Variants in ALPK2 observed in about 807,000 individuals in gnomAD.
ALPK2 encodes the protein alpha-protein kinase 2.
ALPK2 carries 127 observed loss-of-function variants against 163.1 expected under a neutral mutation model. That is an observed-to-expected ratio of 0.78 (90% CI 0.67 to 0.90). The LOEUF (loss-of-function observed/expected upper bound fraction) is 0.90. Among genes scored for constraint, ALPK2 ranks in the 40% least tolerant of loss-of-function variants. ALPK2 has a pLI of 0.00. For missense variants in ALPK2, 2,360 were observed against 2,589.6 expected (o/e 0.91, Z 1.92); for synonymous variants, 953 against 959.1 (o/e 0.99, Z 0.12).
chr18:58,546,368 C>G (rs997031559), intron 4 of ALPK2, among the ~76,000 whole-genome samples: 4 of 152,132 alleles, frequency 2.6e-5, no homozygotes, highest in African/African-American at 9.7e-5. Context: ...GGTTCACACC[C>G]TTCCTAGGAG....
chr18:58,599,333 C>T (rs112975019), intron 3 of ALPK2, among the ~76,000 whole-genome samples: 2,787 of 152,284 alleles, frequency 0.018, 47 homozygotes, highest in South Asian at 0.035. Context: ...GGCCCTGATG[C>T]GTGCCTGCTG....
chr18:58,548,011 A>T (rs2051727748), intron 4 of ALPK2, among the ~76,000 whole-genome samples: 1 of 152,238 alleles, frequency 6.6e-6, no homozygotes, highest in Admixed American at 6.5e-5. Flanking sequence ...CAATTACCAC[A>T]CTGCAATGAC....
Position 58,523,832 on chromosome 18 carries a change from T to A in ALPK2, c.5639A>T (p.Gln1880Leu). ...EFNLTAEVLK[Q>L]LSSRQDTKGC... ...TTTAGTATCCTGGCGACTTGACAGCTGTTTGAGAACTAGAAGAAGACAAAG... is the reference window on the plus strand; with the variant it reads ...TTTAGTATCCTGGCGACTTGACAGCAGTTTGAGAACTAGAAGAAGACAAAG... The change falls in exon 8 of 13, where the codon CAG (glutamine) becomes CTG (leucine). Residue 1880 changes from glutamine (Q) to leucine (L), a missense_variant. By Grantham distance (113) the Gln-to-Leu change is moderately radical. Transcript: ENST00000361673. 1 of 1,614,226 alleles carries A rather than the reference T, an allele frequency of 6.2e-7. No individual in the cohort carries two copies. Among genetic ancestry groups the A allele is most frequent in the South Asian group, 1.1e-5 (1 of 91,084 alleles).
intron 5 of ALPK2, among the ~76,000 whole-genome samples, chr18:58,533,545 G>A (rs1011733824): frequency 2.0e-5 from 3 of 151,014 alleles, no homozygotes; most frequent in South Asian, 2.1e-4. Flanking sequence ...CTGTAGCCTC[G>A]ACTTTCTGGG....
chr18:58,499,399 A>G (rs1264336975), intron 11 of ALPK2, among the ~76,000 whole-genome samples: 1 of 152,150 alleles, frequency 6.6e-6, no homozygotes, highest in African/African-American at 2.4e-5. Context: ...TGTAGTGGAA[A>G]GAGCCACCCT....
intron 12 of ALPK2, among the ~76,000 whole-genome samples, chr18:58,487,590 TAACTC>T (rs2051346164): frequency 6.6e-6 from 1 of 152,252 alleles, no homozygotes; most frequent in Non-Finnish European, 1.5e-5. Context: ...TTAAAAATCT[TAACTC>T]TATAGAATTT....
chr18:58,593,198 G>A (rs1313570896), intron 3 of ALPK2, among the ~76,000 whole-genome samples: 2 of 152,172 alleles, frequency 1.3e-5, no homozygotes, highest in African/African-American at 4.8e-5. Flanking sequence ...CAGAGGGTAT[G>A]TGGGAACTAT....
At chr18:58,611,839 G>T (rs750896116) in intron 1 of ALPK2, 22 bp from the exon 2 acceptor site, 3 of 1,303,172 alleles carry the variant, frequency 2.3e-6, no homozygotes, top group South Asian at 1.3e-5. Context: ...AAAAATCCCC[G>T]ACATCACCAT....
At chr18:58,604,039 A>G (rs988701571) in intron 3 of ALPK2, among the ~76,000 whole-genome samples, 4 of 152,218 alleles carry the variant, frequency 2.6e-5, no homozygotes, top group Non-Finnish European at 5.9e-5. Flanking sequence ...AGGAGAATGC[A>G]GGATGCAGGG....
intron 4 of ALPK2, among the ~76,000 whole-genome samples, chr18:58,553,838 G>GT (rs146212342): frequency 0.24 from 28,630 of 118,046 alleles, 3,787 homozygotes; most frequent in East Asian, 0.29. Flanking sequence ...AGCAGTTGGG[G>GT]TTTTTTTTTT....
At chr18:58,552,897 T>A (rs957240333) in intron 4 of ALPK2, among the ~76,000 whole-genome samples, 1 of 152,224 alleles carries the variant, frequency 6.6e-6, no homozygotes, top group Admixed American at 6.5e-5. Flanking sequence ...AATGTGACTT[T>A]ACTTGGGAGT....
At chr18:58,566,930 TCTAA>T (rs2051856911) in intron 4 of ALPK2, among the ~76,000 whole-genome samples, 3 of 152,184 alleles carry the variant, frequency 2.0e-5, no homozygotes, top group East Asian at 1.9e-4. Context: ...TCTAGATCCA[TCTAA>T]CTGAGCCCAT....
At chr18:58,517,692 T>C (rs937042021) in intron 8 of ALPK2, among the ~76,000 whole-genome samples, 7 of 152,088 alleles carry the variant, frequency 4.6e-5, no homozygotes, top group African/African-American at 1.7e-4. Flanking sequence ...ACCATATGTA[T>C]ATTTGTTCTT....
chr18:58,617,655 T>C (rs973352264), intron 1 of ALPK2, among the ~76,000 whole-genome samples: 2 of 152,236 alleles, frequency 1.3e-5, no homozygotes, highest in African/African-American at 4.8e-5. Flanking sequence ...GGCATTTTTT[T>C]CTATTCATTA....
chr18:58,487,313 G>A (rs1159360203), intron 12 of ALPK2, among the ~76,000 whole-genome samples: 5 of 152,160 alleles, frequency 3.3e-5, no homozygotes, highest in African/African-American at 7.2e-5. Context: ...AAAGAGATGC[G>A]TCTATCAGTC....
chr18:58,565,782 T>TCTTTCTTC (rs1298048144), intron 4 of ALPK2, among the ~76,000 whole-genome samples: 22 of 138,258 alleles, frequency 1.6e-4, no homozygotes, highest in African/African-American at 5.1e-4. Flanking sequence ...TTTCTTTCTT[T>TCTTTCTTC]CTTTCTTCCT....
At chr18:58,492,887 G>A (rs12455362) in intron 12 of ALPK2, among the ~76,000 whole-genome samples, 60,651 of 152,002 alleles carry the variant, frequency 0.4, 12,418 homozygotes, top group East Asian at 0.73. Flanking sequence ...GCTCTGTTGG[G>A]CCTGGGAGAC....
intron 12 of ALPK2, among the ~76,000 whole-genome samples, chr18:58,485,041 T>C (rs1055130748): frequency 1.3e-5 from 2 of 152,136 alleles, no homozygotes; most frequent in African/African-American, 4.8e-5. Context: ...GAAAACAGGC[T>C]CTTTGTTCAA....
In ALPK2 at chr18:58,535,096, T is replaced by C; in HGVS notation, c.5091A>G (p.Lys1697=). Residue 1697 remains lysine (K), a synonymous_variant, in exon 5 of 13, where the codon AAA becomes AAG. Transcript: ENST00000361673. The part of the protein sequence containing the change: ...REKSLEARAG[K]SPGTLTAVTG... ...TCACTGCTGTGAGGGTCCCTGGCGATTTGCCTGCTCGGGCTTCCAGGGACT... is the reference window on the plus strand; with the variant it reads ...TCACTGCTGTGAGGGTCCCTGGCGACTTGCCTGCTCGGGCTTCCAGGGACT... The C allele has an allele frequency of 6.2e-7, 1 of 1,614,132 alleles. No homozygotes were observed. Among genetic ancestry groups the C allele is most frequent in the South Asian group, 1.1e-5 (1 of 91,078 alleles).
Sources: gnomAD v4.1 joint callset for allele counts (sites outside exome capture counted in the v4.1 genomes callset) on GRCh38, gnomAD v4.1.1 for gene constraint, MANE v1.5 for transcripts, NCBI Gene and HGNC (gene_info 2026-07-23, HGNC 2026-07-21) for gene names.